ARHGAP15: variants seen among roughly 807,000 people sequenced by gnomAD.
ARHGAP15 encodes the protein rho GTPase-activating protein 15.
ARHGAP15 carries 51 observed loss-of-function variants against 63.7 expected under a neutral mutation model. The ratio of observed to expected loss-of-function variants is 0.80; its 90% CI spans 0.64 to 1.01. The LOEUF (loss-of-function observed/expected upper bound fraction) is 1.01. ARHGAP15 is among the 50% of genes least tolerant of loss of function. The pLI, the probability that ARHGAP15 is intolerant of heterozygous loss-of-function variation, is 0.00. For missense variants in ARHGAP15, 560 were observed against 564.6 expected, an observed-to-expected ratio of 0.99 and a Z score of 0.08; for synonymous variants, 191 against 193.8, an observed-to-expected ratio of 0.99 and a Z score of 0.12.
At chr2:143,372,349 T>TAAAAAAAAAAA (rs35140789) in intron 6 of ARHGAP15, among the ~76,000 whole-genome samples, 1 of 114,200 alleles carries the variant, frequency 8.8e-6, no homozygotes, top group Non-Finnish European at 1.8e-5. Context: ...GTAGTCGATT[T>TAAAAAAAAAAA]AAAAAAAAAA....
chr2:143,744,200 T>C (rs935254107), intron 13 of ARHGAP15, among the ~76,000 whole-genome samples: 3 of 152,220 alleles, frequency 2.0e-5, no homozygotes, highest in Non-Finnish European at 2.9e-5. Context: ...GCTCAACACA[T>C]GGGTGGCAAG....
At chr2:143,241,633 C>A (rs1216760984) in intron 5 of ARHGAP15, among the ~76,000 whole-genome samples, 1 of 152,164 alleles carries the variant, frequency 6.6e-6, no homozygotes, top group African/African-American at 2.4e-5. Context: ...GGAATAAAGT[C>A]TTCAGCTGGC....
intron 12 of ARHGAP15, among the ~76,000 whole-genome samples, chr2:143,667,078 C>T (rs2105339189): frequency 6.6e-6 from 1 of 150,834 alleles, no homozygotes. Context: ...GGGTATATAC[C>T]CAAAGGACTA....
chr2:143,364,319 T>G (rs985464404), intron 6 of ARHGAP15, among the ~76,000 whole-genome samples: 32 of 151,866 alleles, frequency 2.1e-4, no homozygotes, highest in Admixed American at 1.2e-3. Flanking sequence ...AGAAATTTAA[T>G]TTTTTCCTTC....
intron 4 of ARHGAP15, 87 bp downstream of exon 4, chr2:143,216,532 AG>A: frequency 1.1e-6 from 1 of 947,270 alleles, no homozygotes; most frequent in Non-Finnish European, 1.7e-6. Flanking sequence ...TTGGGATGCA[AG>A]TCCCTATGGT....
intron 2 of ARHGAP15, among the ~76,000 whole-genome samples, chr2:143,183,270 G>C (rs1001962852): frequency 1.3e-5 from 2 of 152,190 alleles, no homozygotes; most frequent in Non-Finnish European, 2.9e-5. Context: ...GAGAAAGTCA[G>C]CTTGGCTGTG....
At chr2:143,226,838 C>T (rs1693230939) in intron 4 of ARHGAP15, among the ~76,000 whole-genome samples, 1 of 152,172 alleles carries the variant, frequency 6.6e-6, no homozygotes, top group Non-Finnish European at 1.5e-5. Context: ...ATTAAGAAAG[C>T]TCCAGGCATA....
At chr2:143,535,176 C>T (rs140433418) in intron 10 of ARHGAP15, among the ~76,000 whole-genome samples, 52 of 152,096 alleles carry the variant, frequency 3.4e-4, no homozygotes, top group African/African-American at 1.2e-3. Context: ...TAGCAGGTAA[C>T]CCAGGAAGGG....
chr2:143,616,699 T>C (rs1418332025), intron 11 of ARHGAP15, among the ~76,000 whole-genome samples: 3 of 152,224 alleles, frequency 2.0e-5, no homozygotes, highest in Non-Finnish European at 4.4e-5. Flanking sequence ...CCATCTATTC[T>C]ACGCACAGGT....
chr2:143,221,525 T>A (rs529778326), intron 4 of ARHGAP15, among the ~76,000 whole-genome samples: 1 of 152,324 alleles, frequency 6.6e-6, no homozygotes, highest in African/African-American at 2.4e-5. Flanking sequence ...ACCATAGGAA[T>A]TTCTTCATTT....
intron 6 of ARHGAP15, among the ~76,000 whole-genome samples, chr2:143,348,984 G>T (rs148996253): frequency 1.3e-5 from 2 of 152,100 alleles, no homozygotes; most frequent in African/African-American, 4.8e-5. Flanking sequence ...ATCTGTAACT[G>T]TTCGATAAGA....
chr2:143,672,566 G>T (rs1270067063), intron 12 of ARHGAP15, among the ~76,000 whole-genome samples: 1 of 152,056 alleles, frequency 6.6e-6, no homozygotes, highest in Non-Finnish European at 1.5e-5. Context: ...GAGTTAAACT[G>T]GTTCAATTTA....
At chr2:143,317,819 C>T (rs554918561) in intron 6 of ARHGAP15, among the ~76,000 whole-genome samples, 26 of 152,100 alleles carry the variant, frequency 1.7e-4, no homozygotes, top group African/African-American at 6.3e-4. Context: ...ATTGCTCATC[C>T]GAAGCGGAAA....
intron 6 of ARHGAP15, among the ~76,000 whole-genome samples, chr2:143,379,954 C>A (rs556079266): frequency 6.6e-6 from 1 of 151,992 alleles, no homozygotes; most frequent in South Asian, 2.1e-4. Flanking sequence ...GCAAAAAGAA[C>A]AAAATTACCC....
At chr2:143,536,946 C>A (rs1694798249) in intron 10 of ARHGAP15, among the ~76,000 whole-genome samples, 1 of 152,132 alleles carries the variant, frequency 6.6e-6, no homozygotes, top group African/African-American at 2.4e-5. Context: ...GAGGAATCAC[C>A]ACACCGACTT....
At chr2:143,519,510 T>A (rs935287506) in intron 10 of ARHGAP15, 146 bp downstream of exon 10, 1 of 517,888 alleles carries the variant, frequency 1.9e-6, no homozygotes. Context: ...ATCATCTTTC[T>A]TATTAACTTC....
In ARHGAP15 at chr2:143,720,712, G is replaced by A. The variant is rs568751519; in HGVS notation, c.1244+17188G>A. Among the ~76,000 whole-genome samples, 5 of 152,240 alleles carry A rather than the reference G, an allele frequency of 3.3e-5. No individual in the cohort carries two copies. The East Asian group carries it at 9.7e-4, about 29-fold the overall frequency. ...CTGCTGCACTAGCTTCCCTAAAAGA[G>A]GCACACGACTTCCCAAACTTCAGTG... is the stretch of plus-strand genomic sequence containing the variant. On this transcript the variant is annotated intron_variant, in intron 13 of 13. Coordinates refer to ENST00000295095, the MANE Select transcript of ARHGAP15 (RefSeq NM_018460.4).
intron 4 of ARHGAP15, among the ~76,000 whole-genome samples, chr2:143,220,744 C>T (rs566376514): frequency 6.6e-6 from 1 of 152,208 alleles, no homozygotes; most frequent in South Asian, 2.1e-4. Flanking sequence ...ATAATTTATG[C>T]TTCTTATATA....
chr2:143,594,413 G>A (rs372517584), intron 11 of ARHGAP15, among the ~76,000 whole-genome samples: 8 of 152,134 alleles, frequency 5.3e-5, no homozygotes, highest in African/African-American at 1.2e-4. Context: ...AGCTTTCTCC[G>A]CCAGCTGCTA....
Sources: gnomAD v4.1 joint callset for allele counts (sites outside exome capture counted in the v4.1 genomes callset) on GRCh38, gnomAD v4.1.1 for gene constraint, MANE v1.5 for transcripts, NCBI Gene and HGNC (gene_info 2026-07-23, HGNC 2026-07-21) for gene names.